The following MYO18B variants were observed in gnomAD, a reference collection of about 807,000 sequenced individuals.
MYO18B encodes unconventional myosin-XVIIIb.
Under a neutral mutation model 273.0 loss-of-function variants are expected in MYO18B, and 204 were observed. That is an observed-to-expected ratio of 0.75 (90% CI 0.67 to 0.84). The LOEUF (loss-of-function observed/expected upper bound fraction) is 0.84, where lower values mean the gene tolerates loss of function less well. Ranked by LOEUF, MYO18B falls within the 40% of genes least tolerant of loss-of-function variation. MYO18B has a pLI of 0.00. For synonymous variants in MYO18B, 1,330 were observed against 1,305.7 expected (o/e 1.02, Z -0.40); for missense variants, 3,212 against 3,287.6 (o/e 0.98, Z 0.56).
intron 22 of MYO18B, among the ~76,000 whole-genome samples, chr22:25,873,556 T>G (rs1298516207): frequency 2.0e-5 from 3 of 152,236 alleles, no homozygotes; most frequent in Non-Finnish European, 2.9e-5. Context: ...TTCTCCTGCC[T>G]CAGCCTCCCG....
chr22:25,822,398 G>A (rs2089316555), intron 12 of MYO18B, among the ~76,000 whole-genome samples: 1 of 152,200 alleles, frequency 6.6e-6, no homozygotes, highest in African/African-American at 2.4e-5. Flanking sequence ...TTGGCAGAGG[G>A]CAGAGGGAAC....
chr22:26,019,596 C>G (rs1449395729), intron 42 of MYO18B, among the ~76,000 whole-genome samples: 2 of 152,350 alleles, frequency 1.3e-5, no homozygotes, highest in Admixed American at 1.3e-4. Context: ...GTTACAGACT[C>G]TCTGTTGTTA....
In MYO18B at chr22:26,027,797, A is replaced by G; in HGVS notation, c.*12+107A>G. The G allele has an allele frequency of 1.6e-6, 2 of 1,235,042 alleles. No homozygotes were observed. The highest frequency in any genetic ancestry group is 2.2e-6 in the Non-Finnish European group (2 of 911,212). The allele number at this position is 1,235,042 out of a possible 1,614,324, so 76.5% of individuals were successfully genotyped here. ...CCTTAATGCCACAACCGATTTCTCTAGAGACCAAGATTTTTAGAGGTTTTA... is the reference window on the plus strand; with the variant it reads ...CCTTAATGCCACAACCGATTTCTCTGGAGACCAAGATTTTTAGAGGTTTTA... On this transcript the variant is annotated intron_variant, in intron 43 of 43. Coordinates refer to ENST00000335473, the MANE Select transcript of MYO18B (RefSeq NM_032608.7). The surrounding 1 kb of genome is among the most constrained non-coding windows in gnomAD (Gnocchi z 4.1).
Position 25,950,370 on chromosome 22 carries a change from G to A in MYO18B, c.5752G>A (p.Ala1918Thr). The stretch of plus-strand genomic sequence containing the variant: ...ATTTTTTTTTTTGTCTCACCAGTCT[G>A]CTGCTGACATTGGGCAGATCCAAGA... ...QKHKDLIAQS[A>T]ADIGQIQELQ... Residue 1918 changes from alanine (A) to threonine (T), a missense_variant, in exon 37 of 44, where the codon GCT (alanine) becomes ACT (threonine). Transcript: ENST00000335473. 5 of 1,597,888 alleles carry A rather than the reference G, an allele frequency of 3.1e-6. No individual in the cohort carries two copies. Among genetic ancestry groups the A allele is most frequent in the Non-Finnish European group, 4.3e-6 (5 of 1,172,354 alleles).
rs575777178 is a variant in MYO18B at position 25,953,357 on chromosome 22, C to T, written c.5970+934C>T. 2.6e-4 allele frequency among the ~76,000 whole-genome samples: 40 copies of T among 152,264 alleles called. 1 individual carries two copies. In the South Asian group the frequency reaches 7.1e-3, roughly 27 times the overall value. ...TTGCTGAAGATAAAGCCAGGCAGTG[C>T]GTGGGATAAGGTAGATGGACACCTG... On this transcript the variant is annotated intron_variant, in intron 38 of 43. Coordinates refer to ENST00000335473, the MANE Select transcript of MYO18B (RefSeq NM_032608.7).
At chr22:25,754,794 G>T (rs1201471848) in intron 1 of MYO18B, among the ~76,000 whole-genome samples, 1 of 152,218 alleles carries the variant, frequency 6.6e-6, no homozygotes, top group Non-Finnish European at 1.5e-5. Flanking sequence ...CTCTGAGGGG[G>T]CAGGACATGA....
chr22:26,022,541 T>G (rs1317301991), intron 42 of MYO18B, among the ~76,000 whole-genome samples: 1 of 152,174 alleles, frequency 6.6e-6, no homozygotes, highest in Non-Finnish European at 1.5e-5. Flanking sequence ...TAGGTGGATT[T>G]CTGCATGGGA....
Position 26,030,959 on chromosome 22 carries a change from TAA to T in MYO18B, c.*530_*531del, listed in dbSNP as rs1936643951. ...TTCATTTCTCTATCCTGTGTATGTATAAGTGTGTACAAGCATTCAAGAAACTG... is the reference window on the plus strand; with the variant it reads ...TTCATTTCTCTATCCTGTGTATGTATGTGTGTACAAGCATTCAAGAAACTG... On this transcript the variant is annotated 3_prime_UTR_variant, in exon 44 of 44. Coordinates refer to ENST00000335473, the MANE Select transcript of MYO18B (RefSeq NM_032608.7). The T allele has an allele frequency of 1.3e-5, 5 of 398,468 alleles. No homozygotes were observed. Among genetic ancestry groups the T allele is most frequent in the Middle Eastern group, 6.2e-4 (1 of 1,610 alleles). 24.7% of individuals were successfully genotyped at this position (398,468 alleles called of 1,614,324 possible).
the MYO18B span, among the ~76,000 whole-genome samples, chr22:26,042,102 C>T: frequency 6.6e-6 from 1 of 152,178 alleles, no homozygotes; most frequent in Admixed American, 6.5e-5. Flanking sequence ...GTGATAGGCC[C>T]CCAGGCACCC....
intron 39 of MYO18B, among the ~76,000 whole-genome samples, chr22:25,982,641 ATC>A (rs1173374492): frequency 6.6e-6 from 1 of 152,074 alleles, no homozygotes; most frequent in Non-Finnish European, 1.5e-5. Context: ...CACCACTCCA[ATC>A]TCTGCTTCCA....
chr22:25,753,376 C>T (rs533274319), intron 1 of MYO18B, among the ~76,000 whole-genome samples: 1 of 152,282 alleles, frequency 6.6e-6, no homozygotes, highest in Admixed American at 6.5e-5. Flanking sequence ...CAAAACAGAC[C>T]AGTCAGCTCT....
At chr22:25,823,766 A>G (rs2089379933) in intron 13 of MYO18B, 88 bp downstream of exon 13, 1 of 1,426,144 alleles carries the variant, frequency 7.0e-7, no homozygotes. Flanking sequence ...CTTTTTTATC[A>G]AAGATTTGTT....
chr22:25,948,573 C>T lies in MYO18B; in HGVS notation c.5748+745C>T, dbSNP rs1037885770. Among the ~76,000 whole-genome samples the T allele has an allele frequency of 8.3e-5, 5 of 60,342 alleles. No individual in the cohort carries two copies. In the South Asian group the frequency reaches 2.8e-3, roughly 33 times the overall value. 39.6% of individuals were successfully genotyped at this position (60,342 alleles called of 152,430 possible). A position where few individuals can be genotyped will look rare whatever the true frequency, so the allele number is the denominator to read the frequency against. On this transcript the variant is annotated intron_variant, in intron 36 of 43. Coordinates refer to ENST00000335473, the MANE Select transcript of MYO18B (RefSeq NM_032608.7). ...CTTTCTCTTTCTCTTTTTCTTCTTT[C>T]CCCCTCTTTCTTTCTTTCTTCTTAT... is the stretch of plus-strand genomic sequence containing the variant.
chr22:25,820,078 A>G, intron 12 of MYO18B, among the ~76,000 whole-genome samples: 1 of 418 alleles, frequency 2.4e-3, no homozygotes, highest in Non-Finnish European at 5.6e-3. Context: ...CATCACTATC[A>G]TCATCACTGT....
intron 20 of MYO18B, among the ~76,000 whole-genome samples, chr22:25,849,405 C>G (rs1476143539): frequency 6.6e-6 from 1 of 152,166 alleles, no homozygotes; most frequent in African/African-American, 2.4e-5. Flanking sequence ...CTTTCACACT[C>G]ACATGAGATA....
chr22:25,996,826 C>G (rs1322641258), intron 40 of MYO18B, among the ~76,000 whole-genome samples: 1 of 152,088 alleles, frequency 6.6e-6, no homozygotes, highest in African/African-American at 2.4e-5. Flanking sequence ...ACCAGTGTCC[C>G]CCGGGAAGGT....
chr22:25,823,726 A>C, intron 13 of MYO18B, 48 bp downstream of exon 13: 2 of 1,595,176 alleles, frequency 1.3e-6, no homozygotes, highest in Non-Finnish European at 1.7e-6. Flanking sequence ...CCTCTGGGCC[A>C]GCTCCTGGGG....
chr22:26,050,362 A>C, the MYO18B span, among the ~76,000 whole-genome samples: 3 of 152,154 alleles, frequency 2.0e-5, no homozygotes, highest in African/African-American at 7.2e-5. Flanking sequence ...GGGAATTTCG[A>C]TATACAGACT....
At position 25,778,291 on chromosome 22, in the gene MYO18B, G is replaced by T. The variant is rs530677905; in HGVS notation, c.2068+510G>T. Among the ~76,000 whole-genome samples, 1,339 of 152,204 alleles carry T rather than the reference G, an allele frequency of 8.8e-3. 13 individuals are homozygous for T. The highest frequency in any genetic ancestry group is 0.014 in the Middle Eastern group (4 of 294). ...ATGTTCTTCAAAAAGTGCTGGCAGG[G>T]CAGGCTAGGGAAGAAACTCAGGGAG... On this transcript the variant is annotated intron_variant, in intron 8 of 43. Coordinates refer to ENST00000335473, the MANE Select transcript of MYO18B (RefSeq NM_032608.7).
Sources: allele counts gnomAD v4.1 joint callset (sites outside exome capture counted in the v4.1 genomes callset), GRCh38; gene constraint gnomAD v4.1.1; non-coding constraint Gnocchi (gnomAD v3.1); transcripts MANE v1.5; gene names NCBI Gene and HGNC (gene_info 2026-07-23, HGNC 2026-07-21).